The following MYH15 variants were observed in gnomAD, a reference collection of about 807,000 sequenced individuals.
MYH15 encodes the protein myosin-15.
Under a neutral mutation model 240.5 loss-of-function variants are expected in MYH15, and 227 were observed. The observed-to-expected ratio is 0.94, with a 90% CI of 0.85 to 1.05. The LOEUF (loss-of-function observed/expected upper bound fraction) is 1.05. Ranked by LOEUF, MYH15 falls within the 50% of genes least tolerant of loss-of-function variation. The probability of loss-of-function intolerance (pLI) is 0.00; values close to 1 mark genes in which losing one functional copy is unlikely to be tolerated. For missense variants in MYH15, 2,217 were observed against 2,247.5 expected, an observed-to-expected ratio of 0.99 and a Z score of 0.27; for synonymous variants, 785 against 796.7, an observed-to-expected ratio of 0.99 and a Z score of 0.25.
chr3:108,504,891 C>T (rs1382542746), intron 2 of MYH15, among the ~76,000 whole-genome samples: 3 of 152,206 alleles, frequency 2.0e-5, no homozygotes, highest in African/African-American at 4.8e-5. Context: ...TACCCCAACA[C>T]TTGATATAAC....
the MYH15 span, among the ~76,000 whole-genome samples, chr3:108,541,575 G>A: frequency 6.6e-6 from 1 of 152,002 alleles, no homozygotes; most frequent in Non-Finnish European, 1.5e-5. Context: ...CCATGAAAAA[G>A]TTTGTTAACA....
the MYH15 span, among the ~76,000 whole-genome samples, chr3:108,535,398 TG>T: frequency 2.6e-5 from 4 of 152,042 alleles, no homozygotes; most frequent in Non-Finnish European, 4.4e-5. Flanking sequence ...CCTCATGTGG[TG>T]GGGGGGCATA....
chr3:108,465,006 G>A (rs538452583), intron 14 of MYH15, among the ~76,000 whole-genome samples, 192 bp from the exon 15 acceptor site: 11 of 152,240 alleles, frequency 7.2e-5, no homozygotes, highest in East Asian at 1.9e-4. Flanking sequence ...ACCAATAGCC[G>A]CTGGTGATTG....
At chr3:108,495,342 G>A (rs1298830324) in intron 7 of MYH15, among the ~76,000 whole-genome samples, 1 of 152,136 alleles carries the variant, frequency 6.6e-6, no homozygotes, top group East Asian at 1.9e-4. Flanking sequence ...GGGTTAAGGA[G>A]GCCACAGGCA....
intron 21 of MYH15, 146 bp downstream of exon 21, chr3:108,453,860 T>C (rs1273754304): frequency 4.1e-6 from 3 of 736,044 alleles, no homozygotes; most frequent in Non-Finnish European, 6.3e-6. Context: ...CTCTGTCCTT[T>C]TGTTATCTCA....
chr3:108,522,766 C>T (rs746997154), intron 1 of MYH15, among the ~76,000 whole-genome samples: 7 of 152,014 alleles, frequency 4.6e-5, no homozygotes, highest in East Asian at 3.9e-4. Context: ...TATTTGAGGG[C>T]GAAATAATTC....
chr3:108,401,528 T>C (rs2082505833), intron 33 of MYH15, among the ~76,000 whole-genome samples: 1 of 152,196 alleles, frequency 6.6e-6, no homozygotes, highest in Non-Finnish European at 1.5e-5. Context: ...AGTAAACCAA[T>C]ACAGGGATGC....
intron 9 of MYH15, among the ~76,000 whole-genome samples, chr3:108,486,739 G>A (rs1252362472): frequency 1.3e-5 from 2 of 152,046 alleles, no homozygotes; most frequent in Non-Finnish European, 2.9e-5. Flanking sequence ...GAGAAGACAG[G>A]CTGGCAAATT....
rs761344642 is a variant in MYH15, at chr3:108,501,858, G to A, written c.196-3C>T. ...TTGTCCTCCTTTATGCTCAGACTCT[G>A]CAGAGAGAAGAAAAATATATGATAT... On this transcript the variant is annotated splice_region_variant and splice_polypyrimidine_tract_variant and intron_variant, in intron 2 of 40. Coordinates refer to ENST00000693548, the MANE Select transcript of MYH15 (RefSeq NM_014981.3). The A allele has an allele frequency of 6.2e-7, 1 of 1,613,116 alleles. No homozygotes were observed. The highest frequency in any genetic ancestry group is 1.7e-5 in the Admixed American group (1 of 60,006).
chr3:108,389,335 C>T (rs555937268), intron 37 of MYH15, among the ~76,000 whole-genome samples: 1 of 152,130 alleles, frequency 6.6e-6, no homozygotes, highest in African/African-American at 2.4e-5. Context: ...TCTTGAATTA[C>T]AAAACCACAC....
chr3:108,390,280 G>A (rs1472374967), intron 37 of MYH15, among the ~76,000 whole-genome samples: 1 of 152,086 alleles, frequency 6.6e-6, no homozygotes, highest in Non-Finnish European at 1.5e-5. Flanking sequence ...ATGGTATCAT[G>A]GTTGTGTCTT....
At chr3:108,444,101 A>G (rs1219228440) in intron 22 of MYH15, among the ~76,000 whole-genome samples, 1 of 151,268 alleles carries the variant, frequency 6.6e-6, no homozygotes, top group East Asian at 1.9e-4. Flanking sequence ...TACATATGTA[A>G]CTAACCTGCA....
chr3:108,391,052 T>C (rs979630691), intron 37 of MYH15, among the ~76,000 whole-genome samples: 2 of 152,358 alleles, frequency 1.3e-5, no homozygotes, highest in East Asian at 1.9e-4. Context: ...TATGACTGTA[T>C]GGAGGTACCC....
chr3:108,530,152 G>A (rs150904407), upstream of MYH15, among the ~76,000 whole-genome samples: 157 of 152,282 alleles, frequency 1.0e-3, no homozygotes, highest in Middle Eastern at 3.4e-3. Flanking sequence ...GAGATTAGCC[G>A]TAAACTAAAC....
At chr3:108,413,965 C>T (rs1390265364) in intron 30 of MYH15, among the ~76,000 whole-genome samples, 1 of 152,150 alleles carries the variant, frequency 6.6e-6, no homozygotes, top group Non-Finnish European at 1.5e-5. Flanking sequence ...TGAAAACTTC[C>T]CTTGTGCCCC....
intron 10 of MYH15, among the ~76,000 whole-genome samples, 196 bp from the exon 11 acceptor site, chr3:108,485,425 A>C (rs1176687696): frequency 6.6e-6 from 1 of 152,230 alleles, no homozygotes; most frequent in East Asian, 1.9e-4. Context: ...AGAATTAGGA[A>C]GGCACAAGAC....
At chr3:108,447,887 A>T (rs979778595) in intron 21 of MYH15, among the ~76,000 whole-genome samples, 10 of 152,162 alleles carry the variant, frequency 6.6e-5, no homozygotes, top group Non-Finnish European at 8.8e-5. Flanking sequence ...AAATTATTTT[A>T]AAAAACTATA....
Position 108,430,851 on chromosome 3 carries a change from T to C in MYH15, c.3293A>G (p.Lys1098Arg). ...NEKGLVAQLQ[K>R]TVKELQTQIK... The stretch of plus-strand genomic sequence containing the variant: ...GATTACCTGAAGCTCTTTAACCGTC[T>C]TCTGAAGCTGAGCTACCAGGCCTTT... The change falls in exon 26 of 41, where the codon AAG (lysine) becomes AGG (arginine). Residue 1098 changes from lysine to arginine, a missense_variant. Coordinates refer to ENST00000693548, the MANE Select transcript of MYH15 (RefSeq NM_014981.3). The C allele has an allele frequency of 6.2e-7, 1 of 1,612,078 alleles. No individual in the cohort carries two copies.
intron 27 of MYH15, among the ~76,000 whole-genome samples, chr3:108,426,621 T>C (rs2082726664): frequency 6.6e-6 from 1 of 152,186 alleles, no homozygotes; most frequent in East Asian, 1.9e-4. Context: ...AAAGGATATT[T>C]TGGAGAGCCT....
Sources: allele counts gnomAD v4.1 joint callset (sites outside exome capture counted in the v4.1 genomes callset), GRCh38; gene constraint gnomAD v4.1.1; transcripts MANE v1.5; gene names NCBI Gene and HGNC (gene_info 2026-07-23, HGNC 2026-07-21).